The following CALD1 variants were observed in gnomAD, a reference collection of about 807,000 sequenced individuals.
CALD1 encodes caldesmon 1.
A neutral mutation model predicts 99.9 loss-of-function variants in CALD1; 33 were observed. The ratio of observed to expected loss-of-function variants is 0.33; its 90% CI spans 0.25 to 0.44. CALD1 has a LOEUF of 0.44. Among genes scored for constraint, CALD1 ranks in the 20% least tolerant of loss-of-function variants. The pLI is 1.00. For synonymous variants in CALD1, 310 were observed against 325.0 expected, an observed-to-expected ratio of 0.95 and a Z score of 0.50; for missense variants, 861 against 962.1, an observed-to-expected ratio of 0.89 and a Z score of 1.39.
At chr7:134,802,230 T>C in intron 1 of CALD1, among the ~76,000 whole-genome samples, 1 of 152,142 alleles carries the variant, frequency 6.6e-6, no homozygotes, top group East Asian at 1.9e-4. Flanking sequence ...TCAATTTCCA[T>C]TACCACATTG....
chr7:134,766,470 A>G (rs1041371718), intron 1 of CALD1, among the ~76,000 whole-genome samples: 2 of 152,126 alleles, frequency 1.3e-5, no homozygotes, highest in Admixed American at 1.3e-4. Context: ...TAAATTGCCC[A>G]GTCTCAGGTG....
Position 134,828,433 on chromosome 7 carries a change from G to A in CALD1, c.-129-15451G>A, listed in dbSNP as rs1023226573. On this transcript the variant is annotated intron_variant, in intron 1 of 14. Coordinates refer to ENST00000361675, the MANE Select transcript of CALD1 (RefSeq NM_033138.4). ...GGTATTTGCTTGCTTCTTATTGAAA[G>A]ACTCAATCAATTTTTTAAAAGCCCA... Among the ~76,000 whole-genome samples the A allele has an allele frequency of 3.9e-5, 6 of 152,320 alleles. 1 individual carries two copies. The highest frequency in any genetic ancestry group is 2.4e-5 in the African/African-American group (1 of 41,578).
At chr7:134,744,545 G>T (rs943572178) in intron 1 of CALD1, among the ~76,000 whole-genome samples, 3 of 151,082 alleles carry the variant, frequency 2.0e-5, no homozygotes, top group African/African-American at 7.3e-5. Flanking sequence ...TGTATGAAAT[G>T]TTGGACATAT....
chr7:134,819,061 G>A (rs1283746975), intron 1 of CALD1, among the ~76,000 whole-genome samples: 2 of 152,132 alleles, frequency 1.3e-5, no homozygotes. Flanking sequence ...TCCTCTGCGA[G>A]TGTTTCTGAT....
intron 1 of CALD1, among the ~76,000 whole-genome samples, chr7:134,826,332 C>T (rs898280763): frequency 3.9e-5 from 6 of 152,138 alleles, no homozygotes; most frequent in Admixed American, 3.9e-4. Flanking sequence ...GCTGATGTTG[C>T]TCCTTCGTCA....
intron 3 of CALD1, among the ~76,000 whole-genome samples, chr7:134,895,279 A>T (rs947613670): frequency 2.8e-5 from 4 of 144,472 alleles, no homozygotes; most frequent in Non-Finnish European, 3.0e-5. Flanking sequence ...CAGGATGCTA[A>T]ATTTGGTTTT....
intron 3 of CALD1, among the ~76,000 whole-genome samples, chr7:134,909,502 G>C (rs1803639464): frequency 6.6e-6 from 1 of 152,222 alleles, no homozygotes; most frequent in African/African-American, 2.4e-5. Context: ...GGCCAACACA[G>C]TGAAACCCTG....
the CALD1 span, among the ~76,000 whole-genome samples, chr7:134,716,819 G>A: frequency 6.6e-5 from 10 of 152,302 alleles, no homozygotes; most frequent in Admixed American, 5.2e-4. Flanking sequence ...TATGGATTAT[G>A]TGAATAGTGA....
At chr7:134,910,273 A>G (rs1803702723) in intron 3 of CALD1, among the ~76,000 whole-genome samples, 1 of 152,204 alleles carries the variant, frequency 6.6e-6, no homozygotes, top group South Asian at 2.1e-4. Flanking sequence ...ATGTAAACTG[A>G]CAAGACAGCC....
At chr7:134,965,432 T>C in intron 14 of CALD1, 46 bp downstream of exon 14, 1 of 913,090 alleles carries the variant, frequency 1.1e-6, no homozygotes, top group Non-Finnish European at 1.9e-6. Context: ...GTTTTCCTGA[T>C]GTATGGTGTA....
chr7:134,962,226 T>G (rs751441250), intron 13 of CALD1: 1 of 152,174 alleles, frequency 6.6e-6, no homozygotes, highest in Non-Finnish European at 1.5e-5. Context: ...CTGAAAAGTT[T>G]ACCATCATCT....
intron 1 of CALD1, among the ~76,000 whole-genome samples, chr7:134,790,962 CT>C (rs1797505310): frequency 6.6e-6 from 1 of 151,584 alleles, no homozygotes; most frequent in Non-Finnish European, 1.5e-5. Context: ...CAAGACAGAG[CT>C]GCTTCTGTGT....
At chr7:134,711,660 C>CTATATATATATA in the CALD1 span, among the ~76,000 whole-genome samples, 4 of 78,344 alleles carry the variant, frequency 5.1e-5, no homozygotes, top group African/African-American at 2.5e-4. Flanking sequence ...CTCTCTCTCT[C>CTATATATATATA]TATATATATA....
the CALD1 span, among the ~76,000 whole-genome samples, chr7:134,717,261 C>G: frequency 6.6e-6 from 1 of 152,122 alleles, no homozygotes; most frequent in Non-Finnish European, 1.5e-5. Context: ...TTGCATAGGT[C>G]TATGTGTTTT....
rs111724010 is a variant in CALD1 at position 134,773,505 on chromosome 7, C to T, written c.-130+29142C>T. ...CCCAGGCTGGTCTTGAACTCCTAGGCTCCTTCTTCTCAGCCTCCCAAAGGG... is the reference window on the plus strand; with the variant it reads ...CCCAGGCTGGTCTTGAACTCCTAGGTTCCTTCTTCTCAGCCTCCCAAAGGG... On this transcript the variant is annotated intron_variant, in intron 1 of 13. Transcript: ENST00000417172. Among the ~76,000 whole-genome samples the T allele has an allele frequency of 1.6e-4, 24 of 152,154 alleles. No individual in the cohort carries two copies. In the South Asian group the frequency reaches 4.2e-3, roughly 26 times the overall value.
intron 1 of CALD1, among the ~76,000 whole-genome samples, chr7:134,772,623 A>G (rs761564989): frequency 2.0e-5 from 3 of 152,184 alleles, no homozygotes; most frequent in Non-Finnish European, 4.4e-5. Flanking sequence ...TTACATTCTT[A>G]CGATTGTGGT....
intron 1 of CALD1, among the ~76,000 whole-genome samples, chr7:134,814,603 C>G (rs1798486359): frequency 6.6e-6 from 1 of 152,184 alleles, no homozygotes; most frequent in Admixed American, 6.6e-5. Context: ...TAAGAGCACA[C>G]AAAGCCCTGG....
chr7:134,765,641 C>A (rs1362656233), intron 1 of CALD1, among the ~76,000 whole-genome samples: 2 of 152,154 alleles, frequency 1.3e-5, no homozygotes, highest in Non-Finnish European at 2.9e-5. Flanking sequence ...TGTCCCCACC[C>A]AAATCTCATG....
chr7:134,787,039 G>A (rs1265725677), intron 1 of CALD1, among the ~76,000 whole-genome samples: 2 of 152,122 alleles, frequency 1.3e-5, no homozygotes, highest in East Asian at 3.8e-4. Flanking sequence ...AAACAGTTCT[G>A]TGCACCTATC....
Sources: gnomAD v4.1 joint callset for allele counts (sites outside exome capture counted in the v4.1 genomes callset) on GRCh38, gnomAD v4.1.1 for gene constraint, MANE v1.5 for transcripts, NCBI Gene and HGNC (gene_info 2026-07-23, HGNC 2026-07-21) for gene names.